The following ERC1 variants were observed in gnomAD, a reference collection of about 807,000 sequenced individuals.
ERC1 encodes ELKS/RAB6-interacting/CAST family member 1.
A neutral mutation model predicts 132.0 loss-of-function variants in ERC1; 56 were observed. The observed-to-expected ratio is 0.42, with a 90% CI of 0.34 to 0.53. The LOEUF is 0.53. Among genes scored for constraint, ERC1 ranks in the 20% least tolerant of loss-of-function variants. ERC1 has a pLI of 0.03. For missense variants in ERC1, 1,202 were observed against 1,349.9 expected (o/e 0.89, Z 1.72); for synonymous variants, 478 against 476.1 (o/e 1.00, Z -0.05).
At chr12:1,402,858 A>G (rs553655984) in intron 16 of ERC1, among the ~76,000 whole-genome samples, 2 of 152,352 alleles carry the variant, frequency 1.3e-5, no homozygotes, top group African/African-American at 2.4e-5. Flanking sequence ...TTCTATTACT[A>G]AAGAATTAAT....
intron 7 of ERC1, among the ~76,000 whole-genome samples, chr12:1,139,649 G>GA (rs1949682777): frequency 6.6e-6 from 1 of 152,068 alleles, no homozygotes; most frequent in South Asian, 2.1e-4. Context: ...ACACATGCAG[G>GA]AAGGCCCAGA....
At chr12:1,117,314 C>G (rs983409814) in intron 7 of ERC1, among the ~76,000 whole-genome samples, 1 of 152,116 alleles carries the variant, frequency 6.6e-6, no homozygotes, top group Non-Finnish European at 1.5e-5. Flanking sequence ...GGAACCTAAA[C>G]TGTTTCATGT....
At position 1,271,817 on chromosome 12, in the gene ERC1, A is replaced by G. The variant is rs187516490; in HGVS notation, c.2619+8652A>G. On this transcript the variant is annotated intron_variant, in intron 14 of 18. Coordinates refer to ENST00000360905, the MANE Select transcript of ERC1 (RefSeq NM_178040.4). ...ATATCTCAACCAGAAACTAAGTTCA[A>G]TCTTTTGATTCTCACCTTCCAACCA... Among the ~76,000 whole-genome samples the G allele has an allele frequency of 2.6e-5, 4 of 152,346 alleles. No homozygotes were observed. The East Asian group carries it at 7.7e-4, about 29-fold the overall frequency.
chr12:1,249,598 A>G (rs758080502), intron 13 of ERC1, among the ~76,000 whole-genome samples: 1 of 152,202 alleles, frequency 6.6e-6, no homozygotes, highest in Admixed American at 6.5e-5. Flanking sequence ...TATTTTACAT[A>G]TAGTTGGTAC....
At chr12:1,276,246 T>C (rs900152380) in intron 14 of ERC1, among the ~76,000 whole-genome samples, 7 of 146,056 alleles carry the variant, frequency 4.8e-5, no homozygotes, top group African/African-American at 1.2e-4. Context: ...TTTTTCTTTT[T>C]TTTTTTTTGA....
intron 3 of ERC1, among the ~76,000 whole-genome samples, chr12:1,102,109 A>G (rs2154198218): frequency 6.6e-6 from 1 of 152,326 alleles, no homozygotes; most frequent in African/African-American, 2.4e-5. Flanking sequence ...GAAAATTTTA[A>G]AGACGTTCCT....
rs1238190833 is a variant in ERC1 at position 1,222,635 on chromosome 12, T to C, written c.2352-14134T>C. On this transcript the variant is annotated intron_variant, in intron 12 of 18. Transcript: ENST00000360905. ...CTATTTAAGCCCTAGCTTAAGCTTC[T>C]CTTCTTGAGTGAAAACACAAATACC... Among the ~76,000 whole-genome samples, 5 of 152,348 alleles carry C rather than the reference T, an allele frequency of 3.3e-5. No homozygotes were observed. In the East Asian group the frequency reaches 9.6e-4, roughly 29 times the overall value.
chr12:1,065,599 G>C lies in ERC1; in HGVS notation c.670-17565G>C, dbSNP rs75994735. Among the ~76,000 whole-genome samples the C allele has an allele frequency of 1.0e-3, 6 of 5,752 alleles. No individual in the cohort carries two copies. The East Asian group carries it at 0.086, about 82-fold the overall frequency. 3.8% of individuals were successfully genotyped at this position (5,752 alleles called of 152,430 possible). A position where few individuals can be genotyped will look rare whatever the true frequency, so the allele number is the denominator to read the frequency against. ...TTTCAGAGATTTCTTTTTTTGGGGC[G>C]GGGGGGGACGGATTTCTTCCTAGAG... On this transcript the variant is annotated intron_variant, in intron 2 of 18. Coordinates refer to ENST00000360905, the MANE Select transcript of ERC1 (RefSeq NM_178040.4).
At chr12:1,454,655 A>G (rs994284118) in intron 18 of ERC1, among the ~76,000 whole-genome samples, 1 of 152,172 alleles carries the variant, frequency 6.6e-6, no homozygotes, top group African/African-American at 2.4e-5. Context: ...TCTAATAATA[A>G]TTAAAGTCTT....
At chr12:1,287,541 C>T (rs1232551271) in intron 14 of ERC1, among the ~76,000 whole-genome samples, 1 of 152,188 alleles carries the variant, frequency 6.6e-6, no homozygotes, top group Non-Finnish European at 1.5e-5. Flanking sequence ...AGTTAAAGGC[C>T]TGAGTAGAAC....
intron 12 of ERC1, among the ~76,000 whole-genome samples, chr12:1,221,017 A>T (rs1408231181): frequency 1.3e-5 from 2 of 152,142 alleles, no homozygotes; most frequent in Non-Finnish European, 2.9e-5. Context: ...CCCGCCACCC[A>T]TTCCTACACA....
chr12:1,071,085 T>C (rs1940264167), intron 2 of ERC1, among the ~76,000 whole-genome samples: 1 of 152,244 alleles, frequency 6.6e-6, no homozygotes, highest in Admixed American at 6.5e-5. Context: ...GTACTATCAG[T>C]TTATCCAATC....
At chr12:1,185,824 G>T (rs1955031039) in intron 11 of ERC1, among the ~76,000 whole-genome samples, 1 of 150,586 alleles carries the variant, frequency 6.6e-6, no homozygotes, top group African/African-American at 2.4e-5. Context: ...GAAACTGTTT[G>T]CATTTCTGCT....
At chr12:1,293,391 T>C in intron 15 of ERC1, among the ~76,000 whole-genome samples, 1 of 126,648 alleles carries the variant, frequency 7.9e-6, no homozygotes, top group Non-Finnish European at 1.7e-5. Flanking sequence ...AGGCGGAGCT[T>C]GCAGTGAGCT....
At position 1,128,895 on chromosome 12, in the gene ERC1, T is replaced by G. The variant is rs182220472; in HGVS notation, c.1570-12725T>G. On this transcript the variant is annotated intron_variant, in intron 7 of 18. Transcript: ENST00000360905. ...GATTATAGAGAGCTGCAGGAACAGT[T>G]AGTGAATTGGAACATAGATCTGATG... Among the ~76,000 whole-genome samples, 1,046 of 152,250 alleles carry G rather than the reference T, an allele frequency of 6.9e-3. 2 individuals carry two copies. The highest frequency in any genetic ancestry group is 0.011 in the Non-Finnish European group (747 of 68,020).
Position 1,025,306 on chromosome 12 carries a change from C to T in ERC1, c.-156-2442C>T, listed in dbSNP as rs561002644. ...CCCTTTATAACACAAGTTTCCTTCC[C>T]TCTAATTATCGCTGTTTCAAAATTG... On this transcript the variant is annotated intron_variant, in intron 1 of 18. Transcript: ENST00000360905. Among the ~76,000 whole-genome samples, 24 of 152,278 alleles carry T rather than the reference C, an allele frequency of 1.6e-4. No homozygotes were observed. In the South Asian group the frequency reaches 5.0e-3, roughly 32 times the overall value.
chr12:1,033,516 C>T (rs1006663020), intron 2 of ERC1, among the ~76,000 whole-genome samples: 5 of 150,254 alleles, frequency 3.3e-5, no homozygotes, highest in African/African-American at 1.2e-4. Flanking sequence ...CAGGCTGGAG[C>T]GCAATGGCAC....
intron 12 of ERC1, among the ~76,000 whole-genome samples, chr12:1,199,069 C>T (rs112207614): frequency 2.2e-5 from 3 of 134,970 alleles, no homozygotes; most frequent in Non-Finnish European, 3.2e-5. Context: ...ACCGTCATGA[C>T]CCAGTCACTT....
intron 14 of ERC1, among the ~76,000 whole-genome samples, chr12:1,268,693 G>A (rs12370962): frequency 0.016 from 2,493 of 152,300 alleles, 26 homozygotes; most frequent in Non-Finnish European, 0.026. Flanking sequence ...GTGAATCTGG[G>A]AGGCAGAGTT....
Sources: gnomAD v4.1 joint callset for allele counts (sites outside exome capture counted in the v4.1 genomes callset) on GRCh38, gnomAD v4.1.1 for gene constraint, MANE v1.5 for transcripts, NCBI Gene and HGNC (gene_info 2026-07-23, HGNC 2026-07-21) for gene names.